MTUS2: variants seen among roughly 807,000 people sequenced by gnomAD.
MTUS2 encodes microtubule-associated tumor suppressor candidate 2.
MTUS2 carries 40 observed loss-of-function variants against 114.1 expected under a neutral mutation model. The ratio of observed to expected loss-of-function variants is 0.35; its 90% CI spans 0.27 to 0.46. The LOEUF (loss-of-function observed/expected upper bound fraction) is 0.46, where lower values mean the gene tolerates loss of function less well. MTUS2 is among the 20% of genes least tolerant of loss of function. The pLI is 1.00. For synonymous variants in MTUS2, 688 were observed against 672.0 expected (o/e 1.02, Z -0.37); for missense variants, 1,679 against 1,705.4 (o/e 0.98, Z 0.27).
chr13:29,054,518 G>T (rs1888040596), intron 4 of MTUS2, among the ~76,000 whole-genome samples: 1 of 152,074 alleles, frequency 6.6e-6, no homozygotes, highest in Non-Finnish European at 1.5e-5. Flanking sequence ...CATGGCTGGA[G>T]AGACAGGGGG....
At chr13:29,284,491 C>T (rs1046940478) in intron 6 of MTUS2, among the ~76,000 whole-genome samples, 1 of 151,662 alleles carries the variant, frequency 6.6e-6, no homozygotes, top group African/African-American at 2.4e-5. Context: ...TTGAATGCAC[C>T]TTGTTTTGTA....
chr13:28,847,076 G>T (rs1447454547), intron 2 of MTUS2, among the ~76,000 whole-genome samples: 3 of 152,152 alleles, frequency 2.0e-5, no homozygotes, highest in African/African-American at 7.2e-5. Flanking sequence ...AATTGGGGGT[G>T]ATGTGGAAGA....
In MTUS2 at chr13:29,303,977, A is replaced by G. The variant is rs189221372; in HGVS notation, c.2807-20636A>G. On this transcript the variant is annotated intron_variant, in intron 6 of 15. Transcript: ENST00000612955. ...TACAAGCCAGAAGAGTTTGGAGGCC[A>G]ATAGTCAACATTCTTAAAGAAAAGA... is the stretch of plus-strand genomic sequence containing the variant. Among the ~76,000 whole-genome samples, 175 of 152,336 alleles carry G rather than the reference A, an allele frequency of 1.1e-3. 1 individual carries two copies. The highest frequency in any genetic ancestry group is 4.0e-3 in the African/African-American group (168 of 41,574).
rs188833401 is a variant in MTUS2 at position 29,457,002 on chromosome 13, A to G, written c.3184+16953A>G. On this transcript the variant is annotated intron_variant, in intron 9 of 15. Coordinates refer to ENST00000612955, the MANE Select transcript of MTUS2 (RefSeq NM_001033602.4). ...AATATATTAAAAAAAAAAATTAGCC[A>G]GGCATGGTGGCAGGCACCTGTAGTC... Among the ~76,000 whole-genome samples the G allele has an allele frequency of 6.0e-4, 91 of 151,636 alleles. No homozygotes were observed. The East Asian group carries it at 9.9e-3, about 17-fold the overall frequency.
At chr13:28,963,537 A>G (rs1883434524) in intron 2 of MTUS2, among the ~76,000 whole-genome samples, 1 of 152,172 alleles carries the variant, frequency 6.6e-6, no homozygotes, top group African/African-American at 2.4e-5. Flanking sequence ...ATGCATGCCT[A>G]TATATAGTGT....
chr13:29,299,750 A>G (rs1483777331), intron 6 of MTUS2, among the ~76,000 whole-genome samples: 1 of 152,124 alleles, frequency 6.6e-6, no homozygotes, highest in Non-Finnish European at 1.5e-5. Flanking sequence ...GAAATCTTGA[A>G]CTACGGCTGC....
intron 6 of MTUS2, among the ~76,000 whole-genome samples, chr13:29,288,893 G>A (rs1048072464): frequency 6.6e-6 from 1 of 152,136 alleles, no homozygotes; most frequent in African/African-American, 2.4e-5. Flanking sequence ...CATTTTAAGC[G>A]GACTCAGAGA....
chr13:28,879,561 T>A lies in MTUS2; in HGVS notation c.-243+39711T>A, dbSNP rs190820531. ...GTTATGTGAACGGCTGATGTTGAAA[T>A]CTTGACCTGGGGCCTCTCCTTGTTT... On this transcript the variant is annotated intron_variant, in intron 2 of 15. Coordinates refer to ENST00000612955, the MANE Select transcript of MTUS2 (RefSeq NM_001033602.4). 5.9e-5 allele frequency among the ~76,000 whole-genome samples: 9 copies of A among 152,314 alleles called. No individual in the cohort carries two copies. The East Asian group carries it at 1.7e-3, about 29-fold the overall frequency.
At chr13:29,197,771 A>G (rs1039928908) in intron 5 of MTUS2, among the ~76,000 whole-genome samples, 8 of 152,144 alleles carry the variant, frequency 5.3e-5, no homozygotes, top group African/African-American at 1.9e-4. Flanking sequence ...GTGAGATGGT[A>G]TCTCATTGTG....
chr13:29,003,791 G>T (rs1885485022), intron 2 of MTUS2, among the ~76,000 whole-genome samples: 1 of 152,170 alleles, frequency 6.6e-6, no homozygotes, highest in Non-Finnish European at 1.5e-5. Context: ...TGGGCAGTGG[G>T]AACAAACTAG....
intron 5 of MTUS2, among the ~76,000 whole-genome samples, chr13:29,138,023 C>G (rs1892057506): frequency 6.6e-6 from 1 of 152,130 alleles, no homozygotes; most frequent in Non-Finnish European, 1.5e-5. Context: ...ACATCGGTGC[C>G]TCTTTTTCTG....
At chr13:28,833,789 A>G (rs1019343972) in intron 1 of MTUS2, among the ~76,000 whole-genome samples, 4 of 152,136 alleles carry the variant, frequency 2.6e-5, no homozygotes, top group Non-Finnish European at 5.9e-5. Context: ...TTGTATGTAG[A>G]AAATCCTAAG....
intron 8 of MTUS2, among the ~76,000 whole-genome samples, chr13:29,414,860 G>GT (rs1175404537): frequency 6.6e-6 from 1 of 151,650 alleles, no homozygotes; most frequent in African/African-American, 2.4e-5. Context: ...TTGTATTCTA[G>GT]TTTTTTAACT....
rs755400572 is a variant in MTUS2, at chr13:29,026,080, G to C, written c.1382G>C (p.Ser461Thr). 2.5e-6 allele frequency: 4 copies of C among 1,614,020 alleles called. No homozygotes were observed. In the East Asian group the frequency reaches 8.9e-5, roughly 36 times the overall value. ...ATTGAGGAGGAAAGGCGGTTGGGCAGTGGGAATAAGGACAGTGTTATGGTT... is the reference window on the plus strand; with the variant it reads ...ATTGAGGAGGAAAGGCGGTTGGGCACTGGGAATAAGGACAGTGTTATGGTT... ...DVIEEERRLG[S>T]GNKDSVMVLV... Residue 461 changes from serine to threonine, a missense_variant, in exon 3 of 16, where the codon AGT becomes ACT. Physicochemically the swap from Ser to Thr is moderately conservative, Grantham distance 58. Around this residue, in one of 3 missense-constraint regions of MTUS2, gnomAD observed 843 missense variants for 770.8 expected, o/e 1.09. Coordinates refer to ENST00000612955, the MANE Select transcript of MTUS2 (RefSeq NM_001033602.4).
intron 5 of MTUS2, chr13:29,240,193 G>A (rs1449365844): frequency 1.3e-5 from 2 of 152,138 alleles, no homozygotes; most frequent in Non-Finnish European, 1.5e-5. Flanking sequence ...TGCCATGAGA[G>A]TCAGTTAACA....
intron 6 of MTUS2, among the ~76,000 whole-genome samples, chr13:29,301,409 T>C (rs2139607582): frequency 6.6e-6 from 1 of 152,338 alleles, no homozygotes; most frequent in East Asian, 1.9e-4. Flanking sequence ...ACATGGCAAG[T>C]TGTAGACTCT....
intron 9 of MTUS2, among the ~76,000 whole-genome samples, chr13:29,455,354 A>G (rs919195419): frequency 1.3e-5 from 2 of 152,098 alleles, no homozygotes; most frequent in Non-Finnish European, 2.9e-5. Context: ...AGTGCTGGGA[A>G]ATACGGGAAT....
At chr13:29,107,176 C>A (rs1890704660) in intron 5 of MTUS2, among the ~76,000 whole-genome samples, 1 of 151,954 alleles carries the variant, frequency 6.6e-6, no homozygotes, top group African/African-American at 2.4e-5. Flanking sequence ...TCCTGGAAAC[C>A]CCTAGGGCTC....
At chr13:29,318,461 G>A (rs1900113029) in intron 6 of MTUS2, among the ~76,000 whole-genome samples, 1 of 142,914 alleles carries the variant, frequency 7.0e-6, no homozygotes, top group South Asian at 2.3e-4. Context: ...CAGGGACTCA[G>A]GGGACTAATG....
Sources: gnomAD v4.1 joint callset for allele counts (sites outside exome capture counted in the v4.1 genomes callset) on GRCh38, gnomAD v4.1.1 for gene constraint, gnomAD v4.1.1 regional missense constraint, MANE v1.5 for transcripts, NCBI Gene and HGNC (gene_info 2026-07-23, HGNC 2026-07-21) for gene names.